Variants in CPNE8 observed in about 807,000 individuals in gnomAD.
CPNE8 encodes the protein copine-8.
Under a neutral mutation model 81.5 loss-of-function variants are expected in CPNE8, and 45 were observed. That is an observed-to-expected ratio of 0.55 (90% CI 0.44 to 0.71). The LOEUF (loss-of-function observed/expected upper bound fraction) is 0.71. Among genes scored for constraint, CPNE8 ranks in the 30% least tolerant of loss-of-function variants. The pLI, the probability that CPNE8 is intolerant of heterozygous loss-of-function variation, is 0.00. For synonymous variants in CPNE8, 252 were observed against 226.3 expected, an observed-to-expected ratio of 1.11 and a Z score of -1.02; for missense variants, 594 against 672.1, an observed-to-expected ratio of 0.88 and a Z score of 1.28.
At chr12:38,685,734 T>A (rs1939518706) in intron 15 of CPNE8, 117 bp from the exon 16 acceptor site, 1 of 1,016,818 alleles carries the variant, frequency 9.8e-7, no homozygotes, top group Non-Finnish European at 1.4e-6. Flanking sequence ...TTTGAGGAAC[T>A]CTTATTCATA....
intron 4 of CPNE8, among the ~76,000 whole-genome samples, chr12:38,842,133 TG>T (rs1943478871): frequency 6.6e-6 from 1 of 152,110 alleles, no homozygotes; most frequent in East Asian, 1.9e-4. Flanking sequence ...AGCTATAGCC[TG>T]GAATTTTAAA....
At chr12:38,687,743 ACTT>A (rs1939565165) in intron 15 of CPNE8, among the ~76,000 whole-genome samples, 1 of 152,118 alleles carries the variant, frequency 6.6e-6, no homozygotes, top group Admixed American at 6.5e-5. Context: ...GTTACCAACT[ACTT>A]CAATTTTATC....
chr12:38,825,760 G>A (rs1178475492), intron 6 of CPNE8, among the ~76,000 whole-genome samples: 3 of 152,280 alleles, frequency 2.0e-5, no homozygotes, highest in East Asian at 1.9e-4. Flanking sequence ...TATGTAAGAC[G>A]AAGGGTGACT....
chr12:38,824,906 C>T (rs984455314), intron 6 of CPNE8, among the ~76,000 whole-genome samples: 1 of 152,076 alleles, frequency 6.6e-6, no homozygotes, highest in Non-Finnish European at 1.5e-5. Flanking sequence ...TGTGCAAATT[C>T]TATTTCTATC....
intron 1 of CPNE8, 127 bp from the exon 2 acceptor site, chr12:38,874,638 T>C (rs1944041813): frequency 7.4e-6 from 4 of 541,572 alleles, no homozygotes; most frequent in Non-Finnish European, 1.3e-5. Context: ...CACACACATA[T>C]ACATATATAT....
chr12:38,854,608 G>C (rs1943700410), intron 3 of CPNE8, among the ~76,000 whole-genome samples: 1 of 151,942 alleles, frequency 6.6e-6, no homozygotes, highest in African/African-American at 2.4e-5. Flanking sequence ...TGCAAGGATG[G>C]TTCAACATAC....
chr12:38,847,182 T>C (rs1296551825), intron 4 of CPNE8, among the ~76,000 whole-genome samples: 1 of 152,210 alleles, frequency 6.6e-6, no homozygotes, highest in Non-Finnish European at 1.5e-5. Flanking sequence ...AATAAATATT[T>C]ATTACTTTCA....
rs112998712 is a variant in CPNE8, at chr12:38,665,941, CA to C, written c.1506+4787del. On this transcript the variant is annotated intron_variant, in intron 19 of 19. Transcript: ENST00000331366. ...GGGCACAGCTACTATGAAATAATGA[CA>C]AAAAAAATGCCTTCCTACTGGACTG... Among the ~76,000 whole-genome samples, 346 of 151,568 alleles carry C rather than the reference CA, an allele frequency of 2.3e-3. 2 individuals carry two copies. Among genetic ancestry groups the C allele is most frequent in the African/African-American group, 6.7e-3 (277 of 41,366 alleles).
intron 14 of CPNE8, among the ~76,000 whole-genome samples, chr12:38,700,303 A>T (rs184365456): frequency 1.4e-5 from 2 of 138,554 alleles, no homozygotes; most frequent in African/African-American, 5.5e-5. Flanking sequence ...CAACGGCATG[A>T]TCTCGGCTCA....
At chr12:38,704,143 T>G (rs1467307553) in intron 13 of CPNE8, among the ~76,000 whole-genome samples, 1 of 152,132 alleles carries the variant, frequency 6.6e-6, no homozygotes, top group African/African-American at 2.4e-5. Context: ...AAAAATGAAC[T>G]GTTGGGTACT....
intron 4 of CPNE8, among the ~76,000 whole-genome samples, chr12:38,844,171 AG>A (rs1170704645): frequency 6.6e-6 from 1 of 152,216 alleles, no homozygotes; most frequent in Non-Finnish European, 1.5e-5. Context: ...TTATTTATCA[AG>A]AAAGAAAATA....
Position 38,746,483 on chromosome 12 carries a change from CAAT to C in CPNE8, c.722+14361_722+14363del, listed in dbSNP as rs765676380. ...CACCATAAGATGATAACAAAATTGA[CAAT>C]AACAAACAATGCTGAGGTGCTTCAG... On this transcript the variant is annotated intron_variant, in intron 10 of 19. Coordinates refer to ENST00000331366, the MANE Select transcript of CPNE8 (RefSeq NM_153634.3). Among the ~76,000 whole-genome samples, 4 of 152,088 alleles carry C rather than the reference CAAT, an allele frequency of 2.6e-5. No homozygotes were observed. In the South Asian group the frequency reaches 8.3e-4, roughly 32 times the overall value.
chr12:38,692,253 C>T (rs1338534936), intron 15 of CPNE8, among the ~76,000 whole-genome samples: 1 of 151,946 alleles, frequency 6.6e-6, no homozygotes, highest in Non-Finnish European at 1.5e-5. Context: ...CTCACTACTG[C>T]ACTCCAGCCT....
intron 18 of CPNE8, among the ~76,000 whole-genome samples, chr12:38,673,578 C>T (rs1483228265): frequency 6.6e-6 from 1 of 152,092 alleles, no homozygotes; most frequent in Non-Finnish European, 1.5e-5. Flanking sequence ...GAATAATCTA[C>T]TTTTCTAGTA....
In CPNE8 at chr12:38,848,560, A is replaced by C; in HGVS notation, c.289T>G (p.Leu97Val). The change falls in exon 4 of 20, where the codon TTG (leucine) becomes GTG (valine). Residue 97 changes from leucine (L) to valine (V), a missense_variant and splice_region_variant. Transcript: ENST00000331366. The part of the protein sequence containing the change: ...FEERENLRFD[L>V]YDVDSKSPNL... ...AACGCAAGTTTTAGTAGAACTTACA[A>C]GTCAAAACGAAGATTCTCTCTTTCT... 3 of 1,571,376 alleles carry C rather than the reference A, an allele frequency of 1.9e-6. No homozygotes were observed. Among genetic ancestry groups the C allele is most frequent in the Non-Finnish European group, 2.6e-6 (3 of 1,167,108 alleles).
intron 6 of CPNE8, among the ~76,000 whole-genome samples, chr12:38,806,685 A>C (rs1440135147): frequency 7.2e-6 from 1 of 139,234 alleles, no homozygotes; most frequent in Admixed American, 7.3e-5. Context: ...CCCTTTGAAA[A>C]CTGGCACAAG....
At chr12:38,861,338 A>G (rs1394505358) in intron 3 of CPNE8, among the ~76,000 whole-genome samples, 1 of 152,174 alleles carries the variant, frequency 6.6e-6, no homozygotes, top group Non-Finnish European at 1.5e-5. Flanking sequence ...GTACACTTAA[A>G]ATTTTTTAAA....
chr12:38,753,116 G>T (rs1403947441), intron 10 of CPNE8, among the ~76,000 whole-genome samples: 2 of 152,036 alleles, frequency 1.3e-5, no homozygotes, highest in African/African-American at 2.4e-5. Flanking sequence ...TAAAATAAAG[G>T]GGATATAAGT....
Position 38,872,487 on chromosome 12 carries a change from T to C in CPNE8, c.186+517A>G, listed in dbSNP as rs149718485. Among the ~76,000 whole-genome samples the C allele has an allele frequency of 1.3e-4, 20 of 152,332 alleles. No homozygotes were observed. In the East Asian group the frequency reaches 3.5e-3, roughly 26 times the overall value. ...CACCTTCCAATGATCATCCGCCCAT[T>C]TGAATGTGGAGACACTCTAGAAAAT... On this transcript the variant is annotated intron_variant, in intron 3 of 19. Transcript: ENST00000331366.
Sources: allele counts gnomAD v4.1 joint callset (sites outside exome capture counted in the v4.1 genomes callset), GRCh38; gene constraint gnomAD v4.1.1; transcripts MANE v1.5; gene names NCBI Gene and HGNC (gene_info 2026-07-23, HGNC 2026-07-21).